CFAP65: variants seen among roughly 807,000 people sequenced by gnomAD.
CFAP65 encodes cilia and flagella associated protein 65.
A neutral mutation model predicts 208.0 loss-of-function variants in CFAP65; 155 were observed. That is an observed-to-expected ratio of 0.75 (90% CI 0.65 to 0.85). The LOEUF is 0.85. Among genes scored for constraint, CFAP65 ranks in the 40% least tolerant of loss-of-function variants. The probability of loss-of-function intolerance (pLI) is 0.00; values close to 1 mark genes in which losing one functional copy is unlikely to be tolerated. For synonymous variants in CFAP65, 970 were observed against 986.3 expected (o/e 0.98, Z 0.31); for missense variants, 2,294 against 2,451.3 (o/e 0.94, Z 1.36).
At position 219,021,143 on chromosome 2, in the gene CFAP65, T is replaced by C; in HGVS notation, c.3259+9A>G. 1 of 1,539,262 alleles carries C rather than the reference T, an allele frequency of 6.5e-7. No homozygotes were observed. The highest frequency in any genetic ancestry group is 1.4e-5 in the African/African-American group (1 of 72,714). ...GGCCCCGACTCTCTATGCCAGGCAG[T>C]CTAGGTACCTCTGTGGGAAAGGAGA... On this transcript the variant is annotated intron_variant, in intron 19 of 34. Coordinates refer to ENST00000341552, the MANE Select transcript of CFAP65 (RefSeq NM_194302.4).
intron 18 of CFAP65, among the ~76,000 whole-genome samples, chr2:219,021,545 G>A (rs1307388674): frequency 6.6e-6 from 1 of 152,198 alleles, no homozygotes; most frequent in Non-Finnish European, 1.5e-5. Flanking sequence ...TGAGGAAGCT[G>A]AGGCTCAGAG....
chr2:219,024,448 T>G (rs1259578152), intron 14 of CFAP65, among the ~76,000 whole-genome samples, 188 bp from the exon 15 acceptor site: 1 of 116,770 alleles, frequency 8.6e-6, no homozygotes, highest in Non-Finnish European at 1.6e-5. Flanking sequence ...AGAATGCTTT[T>G]GTTCTCCAGA....
Position 219,003,882 on chromosome 2 carries a change from A to C in CFAP65, c.5555+70T>G. 1 of 1,537,932 alleles carries C rather than the reference A, an allele frequency of 6.5e-7. No homozygotes were observed. Among genetic ancestry groups the C allele is most frequent in the Non-Finnish European group, 8.8e-7 (1 of 1,135,838 alleles). On this transcript the variant is annotated intron_variant, in intron 33 of 34. Transcript: ENST00000341552. This position sits in a 1 kb window ranked among gnomAD's most constrained non-coding sequence, Gnocchi z 4.4. ...CATACAGGCAGCAGCCATCCTTGGC[A>C]TCCCACTGCCTCCTAGGAACCTTCT...
In CFAP65 at chr2:219,031,586, G is replaced by A; in HGVS notation, c.718C>T (p.Pro240Ser). 6.2e-7 allele frequency: 1 copy of A among 1,614,222 alleles called. No homozygotes were observed. Among genetic ancestry groups the A allele is most frequent in the South Asian group, 1.1e-5 (1 of 91,088 alleles). ...MFCVGLRATLPCHRLICRPPS... is the reference protein window; with the variant it reads ...MFCVGLRATLSCHRLICRPPS... ...GGGCGGCAGATCAGCCTGTGGCAGG[G>A]CAGGGTGGCCCGTAGGCCGACACAG... is the stretch of plus-strand genomic sequence containing the variant. Residue 240 changes from proline to serine, a missense_variant, in exon 7 of 35, where the codon CCC becomes TCC. Pro to Ser is a moderately conservative substitution (Grantham distance 74). Transcript: ENST00000341552. This position sits in a 1 kb window ranked among gnomAD's most constrained non-coding sequence, Gnocchi z 5.2.
At chr2:219,035,126 G>T in intron 5 of CFAP65, 15 of 419,312 alleles carry the variant, frequency 3.6e-5, no homozygotes, top group Middle Eastern at 6.4e-4. Flanking sequence ...ACCTTCATAA[G>T]ACTCCAAAAT....
intron 27 of CFAP65, 27 bp downstream of exon 27, chr2:219,009,915 A>G (rs374430362): frequency 1.4e-4 from 217 of 1,586,586 alleles, no homozygotes; most frequent in Non-Finnish European, 1.8e-4. Context: ...GCTCTGATGG[A>G]GGTTCCAGGG....
At chr2:219,011,033 C>A in intron 24 of CFAP65, 37 bp from the exon 25 acceptor site, 1 of 1,557,798 alleles carries the variant, frequency 6.4e-7, no homozygotes, top group Non-Finnish European at 8.7e-7. Context: ...GCCACATCAG[C>A]TCAGCACTGC....
chr2:219,002,954 G>C lies in CFAP65; in HGVS notation c.5761C>G (p.Pro1921Ala), dbSNP rs1345108017. The C allele has an allele frequency of 1.9e-6, 3 of 1,567,048 alleles. No homozygotes were observed. Among genetic ancestry groups the C allele is most frequent in the Non-Finnish European group, 2.6e-6 (3 of 1,155,736 alleles). ...AEVLHPVVPL[P>A]TDLP ...GCGGGCATTTACGGAAGGTCGGTAG[G>C]AAGTGGCACCACCGGGTGGAGTACC... Residue 1921 changes from proline (P) to alanine (A), a missense_variant, in exon 35 of 35, where the codon CCT becomes GCT. By Grantham distance (27) the Pro-to-Ala change is conservative (BLOSUM62 -1). Coordinates refer to ENST00000341552, the MANE Select transcript of CFAP65 (RefSeq NM_194302.4). This position sits in a 1 kb window ranked among gnomAD's most constrained non-coding sequence, Gnocchi z 7.9.
rs775932703 is a variant in CFAP65 at position 219,009,478 on chromosome 2, G to T, written c.4453-18C>A. 119 of 1,540,286 alleles carry T rather than the reference G, an allele frequency of 7.7e-5. No individual in the cohort carries two copies. Among genetic ancestry groups the T allele is most frequent in the Middle Eastern group, 1.7e-4 (1 of 5,978 alleles). ...ACAGACACCTGTTGATTTGGGGAAG[G>T]AGTCTCTGGAGATTCACAGGGATGG... On this transcript the variant is annotated intron_variant, in intron 27 of 34. Transcript: ENST00000341552.
At chr2:219,038,835 A>G (rs1948513251) in intron 3 of CFAP65, 61 bp downstream of exon 3, 4 of 1,538,184 alleles carry the variant, frequency 2.6e-6, no homozygotes, top group Non-Finnish European at 3.5e-6. Context: ...AGGCCCCTCC[A>G]TGGCCACACT....
At chr2:219,007,428 C>T (rs377217527) in intron 29 of CFAP65, among the ~76,000 whole-genome samples, 1 of 152,108 alleles carries the variant, frequency 6.6e-6, no homozygotes, top group Non-Finnish European at 1.5e-5. Flanking sequence ...AATCCTCATG[C>T]CTTCGCCACC....
chr2:219,027,158 G>T (rs1387659949), intron 13 of CFAP65: 9 of 1,184,032 alleles, frequency 7.6e-6, no homozygotes, highest in Non-Finnish European at 9.4e-6. Context: ...TCTGGGGCCA[G>T]AACAGCAGGG....
chr2:219,035,695 G>C (rs1340534095), intron 4 of CFAP65, 31 bp from the exon 5 acceptor site: 1 of 1,588,142 alleles, frequency 6.3e-7, no homozygotes, highest in African/African-American at 1.4e-5. Context: ...AGGGGGAGCA[G>C]AAAGGATGTA....
intron 24 of CFAP65, among the ~76,000 whole-genome samples, chr2:219,011,589 T>C (rs958260198): frequency 6.6e-6 from 1 of 151,998 alleles, no homozygotes; most frequent in Non-Finnish European, 1.5e-5. Flanking sequence ...GCCAAGGGAG[T>C]TCTGCTTAAA....
intron 14 of CFAP65, 32 bp from the exon 15 acceptor site, chr2:219,024,292 C>A (rs376523425): frequency 6.3e-7 from 1 of 1,589,008 alleles, no homozygotes; most frequent in African/African-American, 1.3e-5. Flanking sequence ...AGCGGCCCCC[C>A]GCTCAGACCT....
At chr2:219,037,831 C>T (rs555135004) in intron 4 of CFAP65, among the ~76,000 whole-genome samples, 1 of 152,344 alleles carries the variant, frequency 6.6e-6, no homozygotes, top group South Asian at 2.1e-4. Context: ...CAGACACACA[C>T]TGCATCATAC....
intron 25 of CFAP65, 39 bp from the exon 26 acceptor site, chr2:219,010,743 G>A: frequency 6.3e-7 from 1 of 1,588,758 alleles, no homozygotes; most frequent in Non-Finnish European, 8.6e-7. Context: ...ACTGGTCAGA[G>A]GGAGGCCTGC....
intron 13 of CFAP65, chr2:219,026,487 C>T (rs916410041): frequency 4.3e-6 from 1 of 230,442 alleles, no homozygotes; most frequent in Non-Finnish European, 8.4e-6. Flanking sequence ...GCCACAAATG[C>T]CAGCCGCAAA....
chr2:219,021,125 A>G (rs2106169285), intron 19 of CFAP65, 27 bp downstream of exon 19: 2 of 1,477,220 alleles, frequency 1.4e-6, no homozygotes, highest in East Asian at 5.0e-5. Context: ...CCCGGCCCCG[A>G]CTCTCTATGC....
Sources: gnomAD v4.1 joint callset for allele counts (sites outside exome capture counted in the v4.1 genomes callset) on GRCh38, gnomAD v4.1.1 for gene constraint, Gnocchi (gnomAD v3.1) non-coding constraint, MANE v1.5 for transcripts, NCBI Gene and HGNC (gene_info 2026-07-23, HGNC 2026-07-21) for gene names.